The following SLIT3 variants were observed in gnomAD, a reference collection of about 807,000 sequenced individuals.
SLIT3 encodes slit guidance ligand 3.
Under a neutral mutation model 184.0 loss-of-function variants are expected in SLIT3, and 68 were observed. That is an observed-to-expected ratio of 0.37 (90% confidence interval 0.30 to 0.45). SLIT3 has a LOEUF of 0.45. Among genes scored for constraint, SLIT3 ranks in the 20% least tolerant of loss-of-function variants. The pLI, the probability that SLIT3 is intolerant of heterozygous loss-of-function variation, is 1.00. For synonymous variants in SLIT3, 831 were observed against 828.6 expected, an observed-to-expected ratio of 1.00 and a Z score of -0.05; for missense variants, 1,707 against 2,026.0, an observed-to-expected ratio of 0.84 and a Z score of 3.02.
intron 1 of SLIT3, among the ~76,000 whole-genome samples, chr5:169,279,763 T>A (rs1581133891): frequency 6.6e-6 from 1 of 152,190 alleles, no homozygotes; most frequent in African/African-American, 2.4e-5. Context: ...CATGGGAAAG[T>A]TGACTCTGCC....
In SLIT3 at chr5:169,276,988, AC is replaced by A. The variant is rs1224523030; in HGVS notation, c.197+23524del. On this transcript the variant is annotated intron_variant, in intron 1 of 35. Coordinates refer to ENST00000519560, the MANE Select transcript of SLIT3 (RefSeq NM_003062.4). ...CTAAGTACATTCACAATGTGGTGCA[AC>A]CATCACCATTTACATATTTCCAAAA... Among the ~76,000 whole-genome samples the A allele has an allele frequency of 2.0e-5, 3 of 152,310 alleles. 1 individual carries two copies. Among genetic ancestry groups the A allele is most frequent in the African/African-American group, 4.8e-5 (2 of 41,568 alleles).
chr5:169,130,740 A>T (rs958530584), intron 4 of SLIT3, among the ~76,000 whole-genome samples: 1 of 152,222 alleles, frequency 6.6e-6, no homozygotes, highest in African/African-American at 2.4e-5. Context: ...GCTTAAAAAT[A>T]ATCTGAAACA....
At chr5:169,117,579 C>T (rs374107726) in intron 4 of SLIT3, among the ~76,000 whole-genome samples, 22 of 152,316 alleles carry the variant, frequency 1.4e-4, no homozygotes, top group Admixed American at 1.4e-3. Context: ...CCAATCCCAG[C>T]TCTACCTCAA....
chr5:168,679,140 C>G (rs1022462812), intron 32 of SLIT3, among the ~76,000 whole-genome samples: 7 of 152,208 alleles, frequency 4.6e-5, no homozygotes, highest in African/African-American at 1.2e-4. Context: ...CTCACTGCAG[C>G]CTTGACCTCC....
At chr5:168,687,149 A>T (rs763285606) in intron 29 of SLIT3, 33 bp from the exon 30 acceptor site, 1 of 1,604,964 alleles carries the variant, frequency 6.2e-7, no homozygotes, top group Non-Finnish European at 8.5e-7. Context: ...GCCGTTCCTC[A>T]AGGCAAAGCC....
intron 1 of SLIT3, among the ~76,000 whole-genome samples, chr5:169,296,780 C>T (rs1349928445): frequency 6.6e-6 from 1 of 152,232 alleles, no homozygotes; most frequent in Non-Finnish European, 1.5e-5. Context: ...GCCCGTTCTC[C>T]TTCGCAAACA....
intron 4 of SLIT3, among the ~76,000 whole-genome samples, chr5:169,110,352 T>C (rs1340594401): frequency 1.3e-5 from 2 of 152,198 alleles, no homozygotes; most frequent in African/African-American, 2.4e-5. Context: ...ACAAAGTAGG[T>C]GCAATTTATA....
chr5:168,942,122 T>G (rs1441220697), intron 4 of SLIT3, among the ~76,000 whole-genome samples: 1 of 152,144 alleles, frequency 6.6e-6, no homozygotes, highest in African/African-American at 2.4e-5. Flanking sequence ...AGCAGTGACT[T>G]GTTCAGGGAT....
chr5:168,887,542 T>C (rs1253395596), intron 4 of SLIT3, among the ~76,000 whole-genome samples: 1 of 152,198 alleles, frequency 6.6e-6, no homozygotes, highest in Non-Finnish European at 1.5e-5. Context: ...GAGAGCGAAA[T>C]GATTACACGT....
chr5:169,065,581 C>T (rs1333496297), intron 4 of SLIT3, among the ~76,000 whole-genome samples: 1 of 152,194 alleles, frequency 6.6e-6, no homozygotes, highest in African/African-American at 2.4e-5. Context: ...CCTTTGTCTT[C>T]GTCACATCAG....
At chr5:169,088,392 C>A (rs1392254485) in intron 4 of SLIT3, among the ~76,000 whole-genome samples, 3 of 148,862 alleles carry the variant, frequency 2.0e-5, no homozygotes. Context: ...AGTTCTTTTT[C>A]TTCGATTTTT....
rs1754808372 is a variant in SLIT3, at chr5:168,754,027, T to A, written c.1686-20A>T. 1 of 1,546,934 alleles carries A rather than the reference T, an allele frequency of 6.5e-7. No homozygotes were observed. The highest frequency in any genetic ancestry group is 1.4e-5 in the African/African-American group (1 of 73,322). On this transcript the variant is annotated intron_variant, in intron 16 of 35. Coordinates refer to ENST00000519560, the MANE Select transcript of SLIT3 (RefSeq NM_003062.4). ...AGATTTCTAGAAGGAAGAAACAGAA[T>A]AGGGGAGAATCAAAAGGAGCAGATG...
chr5:168,976,851 A>T (rs962722517), intron 4 of SLIT3, among the ~76,000 whole-genome samples: 1 of 152,248 alleles, frequency 6.6e-6, no homozygotes, highest in African/African-American at 2.4e-5. Context: ...TTCCTTCTGC[A>T]TTCATGCATC....
chr5:168,915,246 C>T (rs947060144), intron 4 of SLIT3, among the ~76,000 whole-genome samples: 7 of 152,118 alleles, frequency 4.6e-5, no homozygotes, highest in African/African-American at 1.7e-4. Flanking sequence ...CATTTTACAA[C>T]CTCTAATTAA....
intron 32 of SLIT3, among the ~76,000 whole-genome samples, 195 bp from the exon 33 acceptor site, chr5:168,673,526 C>T (rs1002077906): frequency 2.0e-5 from 3 of 152,202 alleles, no homozygotes; most frequent in Non-Finnish European, 4.4e-5. Flanking sequence ...CCCATTACTC[C>T]AATGTGCTTA....
chr5:168,718,466 G>A (rs79196244), intron 23 of SLIT3, among the ~76,000 whole-genome samples: 1,988 of 152,214 alleles, frequency 0.013, 42 homozygotes, highest in African/African-American at 0.046. Context: ...GGGACCACAC[G>A]CATACAAGGC....
chr5:169,111,482 TG>T (rs1388492758), intron 4 of SLIT3, among the ~76,000 whole-genome samples: 2 of 152,220 alleles, frequency 1.3e-5, no homozygotes, highest in African/African-American at 4.8e-5. Context: ...CTAGGCGTGG[TG>T]GCTCACACCT....
At chr5:168,864,369 G>A (rs1759225108) in intron 5 of SLIT3, among the ~76,000 whole-genome samples, 1 of 152,148 alleles carries the variant, frequency 6.6e-6, no homozygotes, top group Non-Finnish European at 1.5e-5. Context: ...ATAGTTCAGT[G>A]AATGAACATA....
chr5:168,970,370 C>T (rs1172442297), intron 4 of SLIT3, among the ~76,000 whole-genome samples: 26 of 151,966 alleles, frequency 1.7e-4, no homozygotes, highest in Admixed American at 1.7e-3. Flanking sequence ...TGGCACATGC[C>T]TGTAGTCCCA....
Sources: gnomAD v4.1 joint callset for allele counts (sites outside exome capture counted in the v4.1 genomes callset) on GRCh38, gnomAD v4.1.1 for gene constraint, MANE v1.5 for transcripts, NCBI Gene and HGNC (gene_info 2026-07-23, HGNC 2026-07-21) for gene names.